Variants in ZKSCAN7 observed in about 807,000 individuals in gnomAD.
The protein encoded by ZKSCAN7 is zinc finger with KRAB and SCAN domains 7.
In ZKSCAN7, 38 loss-of-function variants were observed where a neutral mutation model predicts 65.3. The observed-to-expected ratio is 0.58, with a 90% CI of 0.45 to 0.76. The LOEUF (loss-of-function observed/expected upper bound fraction) is 0.76, where lower values mean the gene tolerates loss of function less well. ZKSCAN7 is among the 30% of genes least tolerant of loss of function. The pLI, the probability that ZKSCAN7 is intolerant of heterozygous loss-of-function variation, is 0.00. For synonymous variants in ZKSCAN7, 321 were observed against 321.0 expected (o/e 1.00, Z 0.00); for missense variants, 815 against 913.3 (o/e 0.89, Z 1.39).
At chr3:44,566,295 A>G (rs1229474443) in intron 3 of ZKSCAN7, among the ~76,000 whole-genome samples, 1 of 152,172 alleles carries the variant, frequency 6.6e-6, no homozygotes, top group African/African-American at 2.4e-5. Context: ...CAGGACCTTG[A>G]GATTGAGGCA....
intron 5 of ZKSCAN7, chr3:44,580,654 C>T: frequency 1.2e-6 from 2 of 1,613,950 alleles, no homozygotes; most frequent in East Asian, 4.5e-5. Flanking sequence ...TGCTCCTTCT[C>T]AGGCGTCAGA....
At chr3:44,577,502 C>T (rs1470751417) in intron 5 of ZKSCAN7, among the ~76,000 whole-genome samples, 2 of 152,040 alleles carry the variant, frequency 1.3e-5, no homozygotes, top group African/African-American at 2.4e-5. Flanking sequence ...CTGGAGTGTC[C>T]GCATGGCTTT....
At chr3:44,561,825 C>T (rs1699483724) in intron 2 of ZKSCAN7, among the ~76,000 whole-genome samples, 1 of 152,224 alleles carries the variant, frequency 6.6e-6, no homozygotes. Context: ...GTTCCCAAGG[C>T]CTTGGGCATC....
chr3:44,575,339 T>C (rs1699902469), downstream of ZKSCAN7, among the ~76,000 whole-genome samples: 1 of 152,164 alleles, frequency 6.6e-6, no homozygotes, highest in Non-Finnish European at 1.5e-5. Context: ...TGTGTAACTG[T>C]GGGAAAATCA....
Position 44,557,366 on chromosome 3 carries a change from C to G in ZKSCAN7, c.319C>G (p.Pro107Ala). 1 of 1,614,220 alleles carries G rather than the reference C, an allele frequency of 6.2e-7. No homozygotes were observed. Among genetic ancestry groups the G allele is most frequent in the Non-Finnish European group, 8.5e-7 (1 of 1,180,042 alleles). Residue 107 changes from proline (P) to alanine (A), a missense_variant, in exon 2 of 6, where the codon CCT (proline) becomes GCT (alanine). Coordinates refer to ENST00000426540, the MANE Select transcript of ZKSCAN7 (RefSeq NM_001288590.2). Reference protein sequence around the residue: ...LVLEQFLSILPGELRTWVQLH... With the variant: ...LVLEQFLSILAGELRTWVQLH... ...GCTTGAGCAGTTCCTGAGCATCCTC[C>G]CTGGGGAGCTCCGGACCTGGGTGCA...
rs1699604102 is a variant in ZKSCAN7, at chr3:44,565,482, T to C, written c.424-5T>C. ...TTGAACCCAATTGTATTTCCCTCTC[T>C]CTAGGTTTCAGCCCCAGCACAGAAA... On this transcript the variant is annotated splice_polypyrimidine_tract_variant and splice_region_variant and intron_variant, in intron 2 of 5. Transcript: ENST00000426540. The C allele has an allele frequency of 1.2e-6, 2 of 1,604,026 alleles. No homozygotes were observed. Among genetic ancestry groups the C allele is most frequent in the Non-Finnish European group, 1.7e-6 (2 of 1,175,422 alleles).
In ZKSCAN7 at chr3:44,571,170, G is replaced by A; in HGVS notation, c.2060G>A (p.Gly687Glu). 1 of 1,614,162 alleles carries A rather than the reference G, an allele frequency of 6.2e-7. No individual in the cohort carries two copies. The highest frequency in any genetic ancestry group is 1.1e-5 in the South Asian group (1 of 91,080). ...ATGGTACATCAGAGAACCCATACTG[G>A]GGAAAAACCCTATAAATGCAATGAT... ...SLMVHQRTHT[G>E]EKPYKCNDCG... The change falls in exon 6 of 6, where the codon GGG becomes GAG. Residue 687 changes from glycine (G) to glutamate (E), a missense_variant. Physicochemically the swap from Gly to Glu is moderately conservative, Grantham distance 98 (BLOSUM62 -2). Coordinates refer to ENST00000426540, the MANE Select transcript of ZKSCAN7 (RefSeq NM_001288590.2).
rs374395000 is a variant in ZKSCAN7 at position 44,570,282 on chromosome 3, C to T, written c.1172C>T (p.Ala391Val). 3.1e-6 allele frequency: 5 copies of T among 1,614,224 alleles called. No individual in the cohort carries two copies. Among genetic ancestry groups the T allele is most frequent in the Admixed American group, 1.7e-5 (1 of 60,016 alleles). ...TATCGATGTGATGAATGTGGCAAAG[C>T]TTTCAATCGGAGTTCTCACCTTATT... ...KSYRCDECGK[A>V]FNRSSHLIGH... Residue 391 changes from alanine (A) to valine (V), a missense_variant, in exon 6 of 6, where the codon GCT (alanine) becomes GTT (valine). Physicochemically the swap from Ala to Val is moderately conservative, Grantham distance 64. Coordinates refer to ENST00000426540, the MANE Select transcript of ZKSCAN7 (RefSeq NM_001288590.2).
downstream of ZKSCAN7, among the ~76,000 whole-genome samples, chr3:44,573,124 C>T (rs1010295902): frequency 7.2e-5 from 11 of 152,172 alleles, no homozygotes; most frequent in Non-Finnish European, 1.2e-4. Flanking sequence ...TTTCATTCCC[C>T]GAAGACATAA....
chr3:44,575,491 G>C (rs1699905440), downstream of ZKSCAN7, among the ~76,000 whole-genome samples: 1 of 152,194 alleles, frequency 6.6e-6, no homozygotes, highest in Non-Finnish European at 1.5e-5. Context: ...AGTTTTATTA[G>C]GAATAGTTGC....
At chr3:44,573,333 C>A (rs1279718489), downstream of ZKSCAN7, among the ~76,000 whole-genome samples, 2 of 152,126 alleles carry the variant, frequency 1.3e-5, no homozygotes, top group African/African-American at 4.8e-5. Context: ...GAGGAGGAGG[C>A]TAGAGGAGCC....
chr3:44,568,578 C>A (rs1699702410), intron 5 of ZKSCAN7, 145 bp downstream of exon 5: 1 of 1,186,126 alleles, frequency 8.4e-7, no homozygotes, highest in Non-Finnish European at 1.2e-6. Context: ...TTTCTGCATT[C>A]ATCACTGAGA....
chr3:44,572,849 CAAAAAAAA>C (rs11339297), downstream of ZKSCAN7, among the ~76,000 whole-genome samples: 1 of 72,436 alleles, frequency 1.4e-5, no homozygotes, highest in Non-Finnish European at 2.7e-5. Context: ...GACTCTGTCT[CAAAAAAAA>C]AAAAAAAAAA....
At chr3:44,557,496 G>T (rs759863759) in intron 2 of ZKSCAN7, 26 bp downstream of exon 2, 12 of 1,612,618 alleles carry the variant, frequency 7.4e-6, no homozygotes, top group African/African-American at 1.3e-5. Context: ...TAGAATGGCG[G>T]CCTGATGCTT....
downstream of ZKSCAN7, among the ~76,000 whole-genome samples, chr3:44,575,516 T>G (rs1387263024): frequency 2.0e-5 from 3 of 152,256 alleles, no homozygotes; most frequent in Non-Finnish European, 2.9e-5. Flanking sequence ...TTTTATCAAG[T>G]TATAAAAAAT....
At position 44,568,050 on chromosome 3, in the gene ZKSCAN7, C is replaced by G. The variant is rs1699684546; in HGVS notation, c.684+47C>G. ...TTTACCAAGTCCCCATGAGTCTGGTCCAAGAATGGCTAGAGGTCTCACCCC... is the reference window on the plus strand; with the variant it reads ...TTTACCAAGTCCCCATGAGTCTGGTGCAAGAATGGCTAGAGGTCTCACCCC... On this transcript the variant is annotated intron_variant, in intron 4 of 5. Transcript: ENST00000426540. The G allele has an allele frequency of 3.7e-6, 3 of 815,510 alleles. No homozygotes were observed. The South Asian group carries it at 5.4e-5, about 15-fold the overall frequency. The allele number at this position is 815,510 out of a possible 1,614,324, so 50.5% of individuals were successfully genotyped here.
At position 44,557,544 on chromosome 3, in the gene ZKSCAN7, C is replaced by T. The variant is rs546789128; in HGVS notation, c.423+74C>T. The T allele has an allele frequency of 1.6e-5, 25 of 1,597,612 alleles. No homozygotes were observed. The African/African-American group carries it at 3.0e-4, about 19-fold the overall frequency. ...GGTTAGCCTAGGAATAGGCATTCTC[C>T]ACTTCCCAGGCCCTAGGCCAGTTTG... On this transcript the variant is annotated intron_variant, in intron 2 of 5. Coordinates refer to ENST00000426540, the MANE Select transcript of ZKSCAN7 (RefSeq NM_001288590.2).
chr3:44,566,506 C>T (rs1045627900), intron 3 of ZKSCAN7, among the ~76,000 whole-genome samples: 6 of 151,976 alleles, frequency 3.9e-5, no homozygotes, highest in African/African-American at 9.7e-5. Context: ...TGGAAACATC[C>T]GTGGGACTTG....
At chr3:44,568,990 A>G (rs141567633) in intron 5 of ZKSCAN7, among the ~76,000 whole-genome samples, 6 of 152,094 alleles carry the variant, frequency 3.9e-5, no homozygotes, top group African/African-American at 1.2e-4. Flanking sequence ...TGTGTTTCCT[A>G]ATGGCTTGGC....
Sources: gnomAD v4.1 joint callset for allele counts (sites outside exome capture counted in the v4.1 genomes callset) on GRCh38, gnomAD v4.1.1 for gene constraint, MANE v1.5 for transcripts, NCBI Gene and HGNC (gene_info 2026-07-23, HGNC 2026-07-21) for gene names.